Variants in CAMK2D observed in about 807,000 individuals in gnomAD.
CAMK2D encodes the protein calcium/calmodulin dependent protein kinase II delta, also known as calcium/calmodulin-dependent protein kinase type II subunit delta.
In CAMK2D, 37 loss-of-function variants were observed where a neutral mutation model predicts 84.0. The ratio of observed to expected loss-of-function variants is 0.44; its 90% CI spans 0.34 to 0.58. The LOEUF (loss-of-function observed/expected upper bound fraction) is 0.58. CAMK2D is among the 20% of genes least tolerant of loss of function. The pLI is 0.02. For missense variants in CAMK2D, 448 were observed against 652.5 expected, an observed-to-expected ratio of 0.69 and a Z score of 3.41; for synonymous variants, 202 against 212.5, an observed-to-expected ratio of 0.95 and a Z score of 0.43.
At chr4:113,695,730 C>T (rs1204305000) in intron 2 of CAMK2D, among the ~76,000 whole-genome samples, 2 of 152,094 alleles carry the variant, frequency 1.3e-5, no homozygotes, top group East Asian at 3.9e-4. Context: ...CCTAATTTAT[C>T]TCCCTTCCTT....
intron 2 of CAMK2D, among the ~76,000 whole-genome samples, chr4:113,687,148 C>T (rs1477887993): frequency 1.3e-5 from 2 of 152,070 alleles, no homozygotes; most frequent in African/African-American, 4.8e-5. Context: ...AAATTATTAA[C>T]CTTCTTCTCC....
intron 2 of CAMK2D, among the ~76,000 whole-genome samples, chr4:113,736,362 C>T (rs2107171): frequency 0.7 from 106,272 of 151,960 alleles, 38,069 homozygotes; most frequent in African/African-American, 0.85. Flanking sequence ...AACTAGTTAA[C>T]CCCAGAAATC....
chr4:113,635,834 A>G (rs2099107999), intron 3 of CAMK2D, among the ~76,000 whole-genome samples: 1 of 152,226 alleles, frequency 6.6e-6, no homozygotes, highest in African/African-American at 2.4e-5. Flanking sequence ...ACCAATGTAG[A>G]AAGGATATGT....
intron 8 of CAMK2D, among the ~76,000 whole-genome samples, chr4:113,529,983 A>G (rs765256426): frequency 7.9e-5 from 12 of 152,250 alleles, no homozygotes; most frequent in Non-Finnish European, 1.6e-4. Flanking sequence ...AAAAGTTTCT[A>G]TCCTGGATAT....
At chr4:113,692,405 C>T (rs1593111238) in intron 2 of CAMK2D, among the ~76,000 whole-genome samples, 1 of 151,944 alleles carries the variant, frequency 6.6e-6, no homozygotes, top group African/African-American at 2.4e-5. Flanking sequence ...ATTCCTGTTG[C>T]CCTAAATATT....
intron 2 of CAMK2D, among the ~76,000 whole-genome samples, chr4:113,671,422 C>A (rs1468457228): frequency 6.6e-6 from 1 of 152,154 alleles, no homozygotes; most frequent in East Asian, 1.9e-4. Context: ...CTGAAAGGAC[C>A]TTAGCAATGT....
intron 2 of CAMK2D, among the ~76,000 whole-genome samples, chr4:113,689,482 T>C (rs977030687): frequency 1.3e-5 from 2 of 152,148 alleles, no homozygotes; most frequent in African/African-American, 4.8e-5. Flanking sequence ...TTAAACTAGC[T>C]ACTCCCTGTC....
intron 16 of CAMK2D, among the ~76,000 whole-genome samples, chr4:113,480,492 G>C (rs2097688510): frequency 6.6e-6 from 1 of 152,052 alleles, no homozygotes; most frequent in Non-Finnish European, 1.5e-5. Flanking sequence ...AACATTGATG[G>C]TATTAACAGG....
At chr4:113,606,667 CAG>C (rs1377581473) in intron 4 of CAMK2D, among the ~76,000 whole-genome samples, 1 of 152,018 alleles carries the variant, frequency 6.6e-6, no homozygotes, top group Non-Finnish European at 1.5e-5. Flanking sequence ...CTCATGTCAT[CAG>C]AGTTCCAAAA....
intron 5 of CAMK2D, among the ~76,000 whole-genome samples, chr4:113,550,528 C>T (rs1027390358): frequency 9.2e-5 from 14 of 152,130 alleles, no homozygotes; most frequent in African/African-American, 3.1e-4. Flanking sequence ...TTGATTTTAT[C>T]GGAGAGCTTT....
intron 2 of CAMK2D, among the ~76,000 whole-genome samples, chr4:113,684,622 G>A (rs1231335410): frequency 6.6e-6 from 1 of 152,182 alleles, no homozygotes; most frequent in African/African-American, 2.4e-5. Context: ...ACTGAGGTCA[G>A]CAAGAACAGA....
At chr4:113,461,968 G>A (rs2097381089) in intron 17 of CAMK2D, among the ~76,000 whole-genome samples, 1 of 152,128 alleles carries the variant, frequency 6.6e-6, no homozygotes, top group South Asian at 2.1e-4. Context: ...AGATGATGGG[G>A]GCAAGGATTA....
intron 16 of CAMK2D, among the ~76,000 whole-genome samples, chr4:113,496,677 G>A (rs1366863086): frequency 6.6e-6 from 1 of 151,948 alleles, no homozygotes; most frequent in African/African-American, 2.4e-5. Flanking sequence ...TTGGACTCCT[G>A]ACCTCAAGGG....
chr4:113,635,278 C>T (rs1474174266), intron 3 of CAMK2D, among the ~76,000 whole-genome samples: 1 of 152,046 alleles, frequency 6.6e-6, no homozygotes, highest in Non-Finnish European at 1.5e-5. Context: ...AGCCTAAATC[C>T]AACATATATT....
At chr4:113,709,745 CGATA>C (rs1374135830) in intron 2 of CAMK2D, among the ~76,000 whole-genome samples, 2 of 24,638 alleles carry the variant, frequency 8.1e-5, no homozygotes, top group African/African-American at 5.0e-4. Flanking sequence ...AAGCCGTGAA[CGATA>C]TATATATATA....
At chr4:113,620,812 GATATTTTTAAGTAAATT>G (rs1394854828) in intron 3 of CAMK2D, among the ~76,000 whole-genome samples, 1 of 152,022 alleles carries the variant, frequency 6.6e-6, no homozygotes, top group Non-Finnish European at 1.5e-5. Context: ...TTCTATGAGC[GATATTTTTAAGTAAATT>G]ATATTTTTAA....
At chr4:113,508,911 G>GAAAT (rs1246638175) in intron 13 of CAMK2D, among the ~76,000 whole-genome samples, 1 of 152,024 alleles carries the variant, frequency 6.6e-6, no homozygotes, top group East Asian at 1.9e-4. Flanking sequence ...AAGGATTAAA[G>GAAAT]AAATAAAACA....
chr4:113,481,627 GCAC>G (rs1476411554), intron 16 of CAMK2D, among the ~76,000 whole-genome samples: 2 of 152,080 alleles, frequency 1.3e-5, no homozygotes, highest in African/African-American at 4.8e-5. Context: ...TTACAGGCAT[GCAC>G]CACCACACCT....
intron 6 of CAMK2D, among the ~76,000 whole-genome samples, chr4:113,542,714 C>CA (rs35129999): frequency 0.27 from 37,476 of 136,296 alleles, 4,972 homozygotes; most frequent in African/African-American, 0.32. Context: ...GATTCCGTCT[C>CA]AAAAAAAAAA....
Sources: gnomAD v4.1 joint callset for allele counts (sites outside exome capture counted in the v4.1 genomes callset) on GRCh38, gnomAD v4.1.1 for gene constraint, MANE v1.5 for transcripts, NCBI Gene and HGNC (gene_info 2026-07-23, HGNC 2026-07-21) for gene names.